The following ANK2 variants were observed in gnomAD, a reference collection of about 807,000 sequenced individuals.
ANK2 encodes the protein ankyrin 2, also known as ankyrin-2.
In ANK2, 83 loss-of-function variants were observed where a neutral mutation model predicts 360.5. The ratio of observed to expected loss-of-function variants is 0.23; its 90% CI spans 0.19 to 0.28. The LOEUF (loss-of-function observed/expected upper bound fraction) is 0.28, where lower values mean the gene tolerates loss of function less well. Among genes scored for constraint, ANK2 ranks in the 10% least tolerant of loss-of-function variants. ANK2 has a pLI of 1.00. For missense variants in ANK2, 4,201 were observed against 4,795.7 expected, an observed-to-expected ratio of 0.88 and a Z score of 3.66; for synonymous variants, 1,740 against 1,759.5, an observed-to-expected ratio of 0.99 and a Z score of 0.28.
chr4:113,352,856 T>G (rs549944103), intron 37 of ANK2, among the ~76,000 whole-genome samples, 189 bp from the exon 38 acceptor site: 4 of 152,258 alleles, frequency 2.6e-5, no homozygotes, highest in South Asian at 4.1e-4. Context: ...AGTTGTTTTT[T>G]TTTTCGTTAG....
chr4:113,086,389 T>C (rs78483786), intron 1 of ANK2, among the ~76,000 whole-genome samples: 1,928 of 152,338 alleles, frequency 0.013, 32 homozygotes, highest in African/African-American at 0.044. Context: ...CTAGTCTTTA[T>C]TTATATTCAT....
intron 24 of ANK2, chr4:113,313,588 T>C (rs2081211735): frequency 6.6e-6 from 1 of 152,652 alleles, no homozygotes; most frequent in Non-Finnish European, 1.5e-5. Context: ...TCTTCTTTTA[T>C]TTTTAATTTT....
intron 2 of ANK2, among the ~76,000 whole-genome samples, chr4:113,177,978 T>C: frequency 6.6e-6 from 1 of 152,352 alleles, no homozygotes; most frequent in Admixed American, 6.5e-5. Flanking sequence ...GGTACATGTG[T>C]TCTAATTACA....
rs1366456169 is a variant in ANK2 at position 113,318,603 on chromosome 4, T to C, written c.2883T>C (p.Ser961=). The C allele has an allele frequency of 6.2e-7, 1 of 1,612,174 alleles. No individual in the cohort carries two copies. ...TENLDNVALS[S]SPIHSGFLVS... is the part of the protein sequence containing the mutation. ...ACTTAGACAACGTGGCTCTTTCTTC[T>C]AGTCCTATTCATTCAGGGTGAGTAA... The change falls in exon 26 of 46, where the codon TCT becomes TCC. Residue 961 remains serine, a synonymous_variant. Coordinates refer to ENST00000357077, the MANE Select transcript of ANK2 (RefSeq NM_001148.6).
chr4:113,327,751 T>G (rs1001186111), intron 26 of ANK2, among the ~76,000 whole-genome samples: 3 of 152,228 alleles, frequency 2.0e-5, no homozygotes, highest in African/African-American at 7.2e-5. Context: ...ATCTGGGGCT[T>G]ACACCATGTA....
At chr4:112,951,788 T>A (rs1467954345) in intron 2 of ANK2, among the ~76,000 whole-genome samples, 1 of 152,212 alleles carries the variant, frequency 6.6e-6, no homozygotes, top group Non-Finnish European at 1.5e-5. Context: ...GGAGCACATA[T>A]TTTACGAGTA....
At chr4:113,236,036 C>T (rs929108827) in intron 5 of ANK2, among the ~76,000 whole-genome samples, 1 of 152,202 alleles carries the variant, frequency 6.6e-6, no homozygotes, top group Non-Finnish European at 1.5e-5. Context: ...CCGTGCCTGG[C>T]CCCAGTCTTT....
chr4:113,281,870 G>T (rs1267614943), intron 17 of ANK2, among the ~76,000 whole-genome samples: 1 of 152,068 alleles, frequency 6.6e-6, no homozygotes, highest in Non-Finnish European at 1.5e-5. Context: ...AAAGCAGCAG[G>T]TTATAAAGAA....
At chr4:112,937,013 T>A (rs2093794212) in intron 2 of ANK2, among the ~76,000 whole-genome samples, 1 of 152,042 alleles carries the variant, frequency 6.6e-6, no homozygotes, top group Admixed American at 6.6e-5. Context: ...CAGGCTGGTC[T>A]TGGACTGAAC....
intron 1 of ANK2, chr4:113,117,106 G>T (rs1419740984): frequency 2.7e-6 from 1 of 364,404 alleles, no homozygotes; most frequent in Admixed American, 3.7e-5. Context: ...TGTGGGTGCT[G>T]CAGAGGCTGG....
At chr4:113,147,662 C>T (rs1359320498) in intron 1 of ANK2, among the ~76,000 whole-genome samples, 1 of 152,158 alleles carries the variant, frequency 6.6e-6, no homozygotes, top group Non-Finnish European at 1.5e-5. Context: ...CCAAGCATGA[C>T]TTAAGCAAAA....
At chr4:112,719,642 GGC>G in the ANK2 span, among the ~76,000 whole-genome samples, 1 of 151,544 alleles carries the variant, frequency 6.6e-6, no homozygotes, top group Non-Finnish European at 1.5e-5. Context: ...GCAGGAGAAT[GGC>G]GTGAACCCAG....
chr4:112,788,628 G>A, the ANK2 span: 8 of 1,600,524 alleles, frequency 5.0e-6, no homozygotes, highest in South Asian at 1.1e-5. Context: ...CAGGGCCTGG[G>A]TGAACTGGTT....
Position 112,821,056 on chromosome 4 carries a change from C to T in ANK2, c.-40+2792C>T, listed in dbSNP as rs547079882. On this transcript the variant is annotated intron_variant, in intron 1 of 30. Coordinates refer to the ANK2 transcript ENST00000503271. ...CCTCCCGAGTAGCTGAGATTACAGGCATGCGCTACCATGCCTGGCTAATTT... is the reference window on the plus strand; with the variant it reads ...CCTCCCGAGTAGCTGAGATTACAGGTATGCGCTACCATGCCTGGCTAATTT... Among the ~76,000 whole-genome samples, 5 of 152,312 alleles carry T rather than the reference C, an allele frequency of 3.3e-5. No individual in the cohort carries two copies. In the South Asian group the frequency reaches 1.0e-3, roughly 32 times the overall value.
At chr4:112,732,806 G>T in the ANK2 span, among the ~76,000 whole-genome samples, 1,126 of 152,312 alleles carry the variant, frequency 7.4e-3, 19 homozygotes, top group African/African-American at 0.026. Flanking sequence ...TTCAGGCTGG[G>T]CGTGGTGGCT....
intron 2 of ANK2, among the ~76,000 whole-genome samples, chr4:112,930,430 C>G (rs1441627233): frequency 6.7e-6 from 1 of 148,640 alleles, no homozygotes; most frequent in South Asian, 2.1e-4. Context: ...GCCTGGGCGA[C>G]AGAGCCAGAC....
intron 45 of ANK2, chr4:113,374,974 T>G (rs2096874179): frequency 9.4e-7 from 1 of 1,062,982 alleles, no homozygotes; most frequent in Non-Finnish European, 1.2e-6. Context: ...TTTGTCTTTT[T>G]ATGTGTGTGT....
chr4:113,060,167 G>A (rs2072434341), intron 1 of ANK2, among the ~76,000 whole-genome samples: 2 of 152,072 alleles, frequency 1.3e-5, no homozygotes, highest in Admixed American at 1.3e-4. Flanking sequence ...TTGTGATGAA[G>A]TCTACCTCAA....
At chr4:112,813,231 C>CT (rs1238882029), upstream of ANK2, among the ~76,000 whole-genome samples, 1 of 115,602 alleles carries the variant, frequency 8.7e-6, no homozygotes, top group Admixed American at 1.1e-4. Flanking sequence ...GAGTGAGACT[C>CT]TGTCTAAAAA....
Sources: gnomAD v4.1 joint callset for allele counts (sites outside exome capture counted in the v4.1 genomes callset) on GRCh38, gnomAD v4.1.1 for gene constraint, MANE v1.5 for transcripts, NCBI Gene and HGNC (gene_info 2026-07-23, HGNC 2026-07-21) for gene names.